ULK4: variants seen among roughly 807,000 people sequenced by gnomAD.
ULK4 encodes inactive serine/threonine-protein kinase ULK4.
A neutral mutation model predicts 160.6 loss-of-function variants in ULK4; 133 were observed. That is an observed-to-expected ratio of 0.83 (90% confidence interval 0.72 to 0.96). The LOEUF is 0.96. Among genes scored for constraint, ULK4 ranks in the 40% least tolerant of loss-of-function variants. The probability of loss-of-function intolerance (pLI) is 0.00; values close to 1 mark genes in which losing one functional copy is unlikely to be tolerated. For missense variants in ULK4, 1,580 were observed against 1,499.5 expected (o/e 1.05, Z -0.89); for synonymous variants, 534 against 539.8 (o/e 0.99, Z 0.15).
At chr3:41,542,895 C>A (rs2125955315) in intron 32 of ULK4, among the ~76,000 whole-genome samples, 1 of 152,080 alleles carries the variant, frequency 6.6e-6, no homozygotes, top group East Asian at 1.9e-4. Flanking sequence ...TTGATAGGGA[C>A]AATTCTTTTC....
chr3:41,954,397 C>T lies in ULK4; in HGVS notation c.138+225G>A, dbSNP rs745421720. Among the ~76,000 whole-genome samples, 4 of 151,172 alleles carry T rather than the reference C, an allele frequency of 2.6e-5. No individual in the cohort carries two copies. In the East Asian group the frequency reaches 7.8e-4, roughly 29 times the overall value. On this transcript the variant is annotated intron_variant, in intron 2 of 36. Transcript: ENST00000301831. ...TATAGTTTCCCCAATTTATACCCAC[C>T]CCCAAAAAAAAGAAACAAAAAAGAA... is the stretch of plus-strand genomic sequence containing the variant.
chr3:41,611,221 C>T (rs72862116), intron 31 of ULK4, among the ~76,000 whole-genome samples: 9,349 of 152,238 alleles, frequency 0.061, 977 homozygotes, highest in African/African-American at 0.21. Flanking sequence ...CTTAATCCAG[C>T]GTATGCTGCC....
At chr3:41,299,236 C>A (rs2079733781) in intron 35 of ULK4, among the ~76,000 whole-genome samples, 1 of 152,116 alleles carries the variant, frequency 6.6e-6, no homozygotes, top group Non-Finnish European at 1.5e-5. Flanking sequence ...CCACGTGGGG[C>A]AGAACTGGCC....
At chr3:41,484,668 G>T (rs2084455604) in intron 32 of ULK4, among the ~76,000 whole-genome samples, 1 of 152,020 alleles carries the variant, frequency 6.6e-6, no homozygotes, top group Non-Finnish European at 1.5e-5. Flanking sequence ...TAGCCAGGAT[G>T]GTCTTGATCT....
At chr3:41,705,682 G>A (rs1246901393) in intron 25 of ULK4, among the ~76,000 whole-genome samples, 4 of 152,032 alleles carry the variant, frequency 2.6e-5, no homozygotes, top group South Asian at 2.1e-4. Flanking sequence ...TTTTAGTAGA[G>A]ATGGGGTTTC....
intron 17 of ULK4, among the ~76,000 whole-genome samples, chr3:41,870,834 T>C (rs1435653867): frequency 1.3e-5 from 2 of 152,146 alleles, no homozygotes; most frequent in African/African-American, 2.4e-5. Context: ...CACTGTGATA[T>C]AGTTTGGCTC....
intron 27 of ULK4, among the ~76,000 whole-genome samples, chr3:41,685,439 T>A (rs2036068895): frequency 6.6e-6 from 1 of 152,168 alleles, no homozygotes; most frequent in African/African-American, 2.4e-5. Context: ...TACCCACTAA[T>A]CCCAAGGCTT....
intron 35 of ULK4, among the ~76,000 whole-genome samples, chr3:41,392,768 C>T (rs906794624): frequency 1.3e-5 from 2 of 152,128 alleles, no homozygotes; most frequent in African/African-American, 4.8e-5. Context: ...GTCTTTTCCT[C>T]CTTAACTTCT....
chr3:41,444,652 A>G (rs2083254596), intron 34 of ULK4, among the ~76,000 whole-genome samples: 1 of 152,134 alleles, frequency 6.6e-6, no homozygotes, highest in Non-Finnish European at 1.5e-5. Flanking sequence ...AATTATGCAA[A>G]AGTATTCTTA....
At chr3:41,689,578 T>G (rs1238994098) in intron 27 of ULK4, among the ~76,000 whole-genome samples, 1 of 151,970 alleles carries the variant, frequency 6.6e-6, no homozygotes, top group South Asian at 2.1e-4. Context: ...TACAATGAAC[T>G]CAAACAAATT....
intron 34 of ULK4, among the ~76,000 whole-genome samples, chr3:41,429,800 G>C (rs1461828910): frequency 6.6e-6 from 1 of 151,918 alleles, no homozygotes; most frequent in Non-Finnish European, 1.5e-5. Flanking sequence ...ATGCTGGCTG[G>C]GCTTAATACC....
chr3:41,801,473 G>T (rs755405976), intron 19 of ULK4, among the ~76,000 whole-genome samples: 2 of 151,502 alleles, frequency 1.3e-5, no homozygotes, highest in Non-Finnish European at 1.5e-5. Context: ...AGCTCAATGA[G>T]CCCTACGCAG....
At chr3:41,804,321 T>G (rs1343244610) in intron 19 of ULK4, among the ~76,000 whole-genome samples, 1 of 152,222 alleles carries the variant, frequency 6.6e-6, no homozygotes, top group Non-Finnish European at 1.5e-5. Flanking sequence ...TCGCCCACTT[T>G]GTGATGGGGT....
chr3:41,332,296 G>T (rs2080461083), intron 35 of ULK4, among the ~76,000 whole-genome samples: 1 of 152,112 alleles, frequency 6.6e-6, no homozygotes, highest in Non-Finnish European at 1.5e-5. Context: ...AAGCAGATCT[G>T]GGGCTACAAT....
chr3:41,875,887 C>T (rs541473656), intron 17 of ULK4, among the ~76,000 whole-genome samples: 53 of 147,894 alleles, frequency 3.6e-4, no homozygotes, highest in Admixed American at 8.9e-4. Flanking sequence ...GTAGGTGCAA[C>T]TATTAAAACC....
At chr3:41,419,635 C>T (rs2082613748) in intron 34 of ULK4, among the ~76,000 whole-genome samples, 1 of 152,116 alleles carries the variant, frequency 6.6e-6, no homozygotes, top group Non-Finnish European at 1.5e-5. Flanking sequence ...CAGCACTCTG[C>T]AGAAACTCAG....
In ULK4 at chr3:41,819,502, T is replaced by G; in HGVS notation, c.1769A>C (p.Glu590Ala). The G allele has an allele frequency of 6.3e-7, 1 of 1,598,384 alleles. No homozygotes were observed. Among genetic ancestry groups the G allele is most frequent in the Middle Eastern group, 1.7e-4 (1 of 6,006 alleles). Residue 590 changes from glutamate (E) to alanine (A), a missense_variant, in exon 19 of 37, where the codon GAA (glutamate) becomes GCA (alanine). Coordinates refer to ENST00000301831, the MANE Select transcript of ULK4 (RefSeq NM_017886.4). ...GCACTCTCTAGGGTTCTTTTTTTTT[T>G]CTTCCTAAAATGAAGTGGGAAAAAA... The part of the protein sequence containing the change: ...ELIYLVATQE[E>A]KKKNPRECWA...
intron 25 of ULK4, among the ~76,000 whole-genome samples, chr3:41,708,061 G>A (rs1352788903): frequency 6.6e-6 from 1 of 151,916 alleles, no homozygotes; most frequent in Non-Finnish European, 1.5e-5. Flanking sequence ...CACACTGTCG[G>A]TGGGAATGTA....
At position 41,778,104 on chromosome 3, in the gene ULK4, C is replaced by A. The variant is rs1313537656; in HGVS notation, c.2193+11557G>T. On this transcript the variant is annotated intron_variant, in intron 21 of 36. Coordinates refer to ENST00000301831, the MANE Select transcript of ULK4 (RefSeq NM_017886.4). ...AAACCCCACTGTCTCAGCCCAAAAT[C>A]TCCTTAAGCTGATAAGCAACTTCAG... Among the ~76,000 whole-genome samples, 20 of 125,934 alleles carry A rather than the reference C, an allele frequency of 1.6e-4. 1 individual carries two copies. The highest frequency in any genetic ancestry group is 4.3e-4 in the African/African-American group (11 of 25,470). 82.6% of individuals were successfully genotyped at this position (125,934 alleles called of 152,430 possible). A position where few individuals can be genotyped will look rare whatever the true frequency, so the allele number is the denominator to read the frequency against.
Sources: gnomAD v4.1 joint callset for allele counts (sites outside exome capture counted in the v4.1 genomes callset) on GRCh38, gnomAD v4.1.1 for gene constraint, MANE v1.5 for transcripts, NCBI Gene and HGNC (gene_info 2026-07-23, HGNC 2026-07-21) for gene names.